Variants in CDH12 observed in about 807,000 individuals in gnomAD.
CDH12 encodes cadherin-12.
In CDH12, 41 loss-of-function variants were observed where a neutral mutation model predicts 74.1. The ratio of observed to expected loss-of-function variants is 0.55; its 90% CI spans 0.43 to 0.72. CDH12 has a LOEUF of 0.72. CDH12 is among the 30% of genes least tolerant of loss of function. The pLI is 0.00. For missense variants in CDH12, 945 were observed against 977.2 expected (o/e 0.97, Z 0.44); for synonymous variants, 399 against 355.0 (o/e 1.12, Z -1.39).
chr5:22,076,241 C>A (rs1742308116), intron 5 of CDH12, among the ~76,000 whole-genome samples: 1 of 151,972 alleles, frequency 6.6e-6, no homozygotes. Flanking sequence ...AATACTAGTT[C>A]CTCTTTTAAA....
chr5:22,588,331 A>C (rs952849408), intron 1 of CDH12, among the ~76,000 whole-genome samples: 1 of 152,096 alleles, frequency 6.6e-6, no homozygotes, highest in African/African-American at 2.4e-5. Context: ...GGCCACATAG[A>C]CTAGTAAATT....
chr5:22,235,319 C>T (rs577042650), intron 3 of CDH12, among the ~76,000 whole-genome samples: 5 of 152,086 alleles, frequency 3.3e-5, no homozygotes, highest in East Asian at 1.9e-4. Flanking sequence ...CCGTGGCTCA[C>T]GTCTCTATTA....
At position 21,926,811 on chromosome 5, in the gene CDH12, GT is replaced by G. The variant is rs532894739; in HGVS notation, c.526+48279del. 4.6e-5 allele frequency among the ~76,000 whole-genome samples: 7 copies of G among 152,294 alleles called. No homozygotes were observed. The East Asian group carries it at 1.4e-3, about 29-fold the overall frequency. ...AGGCCGAGTGCATGCAGGTAGAACT[GT>G]GTACAACAATAGAGGTGATGGTAGA... On this transcript the variant is annotated intron_variant, in intron 6 of 14. Transcript: ENST00000382254.
At chr5:22,262,441 C>T (rs1031964976) in intron 3 of CDH12, among the ~76,000 whole-genome samples, 40 of 151,976 alleles carry the variant, frequency 2.6e-4, no homozygotes, top group African/African-American at 8.7e-4. Flanking sequence ...CTACAAAGGA[C>T]GTGAACTCAT....
At chr5:21,845,031 A>AT (rs1554036782) in intron 7 of CDH12, among the ~76,000 whole-genome samples, 2 of 149,778 alleles carry the variant, frequency 1.3e-5, no homozygotes, top group African/African-American at 5.0e-5. Context: ...AGATAGATAG[A>AT]TAGATTAGAT....
chr5:22,848,569 A>G (rs1253659311), intron 1 of CDH12, among the ~76,000 whole-genome samples: 1 of 152,154 alleles, frequency 6.6e-6, no homozygotes. Flanking sequence ...TTTGCTTCCC[A>G]GTCCTTCTTG....
intron 5 of CDH12, among the ~76,000 whole-genome samples, chr5:21,999,240 C>T (rs1056425028): frequency 3.3e-5 from 5 of 152,090 alleles, no homozygotes; most frequent in African/African-American, 1.2e-4. Context: ...ATTCAGTATT[C>T]TCTGGGTGCT....
intron 5 of CDH12, among the ~76,000 whole-genome samples, chr5:21,976,363 GTGT>G (rs927330701): frequency 2.0e-5 from 3 of 151,980 alleles, no homozygotes; most frequent in Non-Finnish European, 4.4e-5. Context: ...CCGTAAGGCA[GTGT>G]TGTTCAAACT....
chr5:22,208,552 A>T (rs1751357092), intron 4 of CDH12, among the ~76,000 whole-genome samples: 1 of 152,178 alleles, frequency 6.6e-6, no homozygotes, highest in Admixed American at 6.5e-5. Context: ...TTTCCTGGCC[A>T]CTAACTGCTG....
chr5:22,617,941 T>C (rs1427115093), intron 1 of CDH12, among the ~76,000 whole-genome samples: 1 of 152,128 alleles, frequency 6.6e-6, no homozygotes, highest in African/African-American at 2.4e-5. Context: ...CTAATATTCA[T>C]AAACAATTGA....
chr5:22,371,673 T>C (rs1017547947), intron 3 of CDH12, among the ~76,000 whole-genome samples: 1 of 152,224 alleles, frequency 6.6e-6, no homozygotes, highest in Non-Finnish European at 1.5e-5. Context: ...AAGCATCTTG[T>C]ATTATGTGAA....
chr5:22,348,708 AT>A (rs1740230306), intron 3 of CDH12, among the ~76,000 whole-genome samples: 2 of 152,200 alleles, frequency 1.3e-5, no homozygotes, highest in African/African-American at 4.8e-5. Flanking sequence ...TACTAATGGT[AT>A]CAGCCTAGCA....
At chr5:22,261,202 T>C (rs1372720649) in intron 3 of CDH12, among the ~76,000 whole-genome samples, 1 of 151,836 alleles carries the variant, frequency 6.6e-6, no homozygotes, top group Non-Finnish European at 1.5e-5. Context: ...AATAGACACA[T>C]ACAAAATATT....
chr5:22,287,586 G>T (rs1342554670), intron 3 of CDH12, among the ~76,000 whole-genome samples: 1 of 151,734 alleles, frequency 6.6e-6, no homozygotes, highest in African/African-American at 2.4e-5. Flanking sequence ...TAGCCGGCGC[G>T]GTGGCGGGCG....
intron 3 of CDH12, among the ~76,000 whole-genome samples, chr5:22,308,382 C>T (rs930959508): frequency 6.6e-5 from 10 of 152,090 alleles, no homozygotes; most frequent in Non-Finnish European, 1.3e-4. Context: ...ATCTGCATTC[C>T]ACTGCTAACA....
At chr5:22,209,068 G>T (rs577655152) in intron 4 of CDH12, among the ~76,000 whole-genome samples, 4 of 152,178 alleles carry the variant, frequency 2.6e-5, no homozygotes, top group African/African-American at 9.6e-5. Context: ...TCTCTTTCCA[G>T]ATTTGGGAAC....
chr5:22,018,478 T>C (rs1432933932), intron 5 of CDH12, among the ~76,000 whole-genome samples: 3 of 152,194 alleles, frequency 2.0e-5, no homozygotes, highest in African/African-American at 7.2e-5. Context: ...ATTCACTGTG[T>C]GCTGCACATA....
intron 1 of CDH12, among the ~76,000 whole-genome samples, chr5:22,641,073 C>T (rs950178224): frequency 2.6e-5 from 4 of 152,108 alleles, no homozygotes; most frequent in South Asian, 4.1e-4. Flanking sequence ...TAGACACATA[C>T]GTACATACAT....
intron 4 of CDH12, among the ~76,000 whole-genome samples, chr5:22,112,466 T>A (rs191545637): frequency 1.3e-5 from 2 of 152,284 alleles, no homozygotes; most frequent in East Asian, 3.9e-4. Flanking sequence ...GTCAGATGAG[T>A]ACATGAGCTA....
Sources: gnomAD v4.1 joint callset for allele counts (sites outside exome capture counted in the v4.1 genomes callset) on GRCh38, gnomAD v4.1.1 for gene constraint, MANE v1.5 for transcripts, NCBI Gene and HGNC (gene_info 2026-07-23, HGNC 2026-07-21) for gene names.